Variants in ATP6V0D2 observed in about 807,000 individuals in gnomAD.
The protein encoded by ATP6V0D2 is V-type proton ATPase subunit d 2.
ATP6V0D2 carries 40 observed loss-of-function variants against 40.0 expected under a neutral mutation model. The observed-to-expected ratio is 1.00, with a 90% CI of 0.78 to 1.30. ATP6V0D2 has a LOEUF of 1.30. Among genes scored for constraint, ATP6V0D2 ranks in the 50% most tolerant of loss-of-function variants. The probability of loss-of-function intolerance (pLI) is 0.00; values close to 1 mark genes in which losing one functional copy is unlikely to be tolerated. For synonymous variants in ATP6V0D2, 179 were observed against 156.3 expected, an observed-to-expected ratio of 1.15 and a Z score of -1.08; for missense variants, 470 against 423.1, an observed-to-expected ratio of 1.11 and a Z score of -0.97.
chr8:86,108,785 A>C (rs368357679), intron 1 of ATP6V0D2, among the ~76,000 whole-genome samples: 7 of 152,190 alleles, frequency 4.6e-5, no homozygotes, highest in African/African-American at 1.7e-4. Flanking sequence ...GACAATAACC[A>C]TGAAGTCTAA....
intron 2 of ATP6V0D2, among the ~76,000 whole-genome samples, chr8:86,128,507 G>T (rs1191691229): frequency 2.0e-5 from 3 of 152,178 alleles, no homozygotes; most frequent in African/African-American, 7.2e-5. Context: ...ACTGAGTATT[G>T]AGGTACCTCC....
At chr8:86,130,021 T>C (rs1300441712) in intron 2 of ATP6V0D2, among the ~76,000 whole-genome samples, 1 of 141,564 alleles carries the variant, frequency 7.1e-6, no homozygotes, top group Non-Finnish European at 1.6e-5. Context: ...AAAAAGAAAA[T>C]AATAATCTAT....
At chr8:86,122,855 C>A (rs904011282) in intron 2 of ATP6V0D2, among the ~76,000 whole-genome samples, 9 of 152,130 alleles carry the variant, frequency 5.9e-5, no homozygotes, top group Non-Finnish European at 1.0e-4. Flanking sequence ...TCTGATATTG[C>A]TGGAACCTAG....
At chr8:86,121,095 CTGTTGACA>C (rs1325724400) in intron 2 of ATP6V0D2, among the ~76,000 whole-genome samples, 5 of 152,132 alleles carry the variant, frequency 3.3e-5, no homozygotes, top group African/African-American at 4.8e-5. Context: ...CCATGAGTTT[CTGTTGACA>C]GTTACCTATA....
intron 5 of ATP6V0D2, among the ~76,000 whole-genome samples, chr8:86,147,218 C>A (rs1028349184): frequency 6.6e-6 from 1 of 152,088 alleles, no homozygotes; most frequent in African/African-American, 2.4e-5. Context: ...CTGACATCTC[C>A]GCCCACTGCC....
At chr8:86,145,273 G>T (rs1358916583) in intron 5 of ATP6V0D2, among the ~76,000 whole-genome samples, 2 of 66,594 alleles carry the variant, frequency 3.0e-5, no homozygotes, top group African/African-American at 1.0e-4. Context: ...AAGAAAGAAA[G>T]AAAGAAAGAA....
chr8:86,122,265 C>T (rs996772829), intron 2 of ATP6V0D2, among the ~76,000 whole-genome samples: 1 of 152,128 alleles, frequency 6.6e-6, no homozygotes, highest in African/African-American at 2.4e-5. Context: ...ATGTCATCTT[C>T]GGTACTTAAA....
chr8:86,133,065 C>T (rs367840465), intron 2 of ATP6V0D2, among the ~76,000 whole-genome samples: 146 of 152,126 alleles, frequency 9.6e-4, no homozygotes, highest in African/African-American at 3.4e-3. Flanking sequence ...GAAGTATTGG[C>T]GTCTTGGAGG....
chr8:86,128,881 T>A (rs560467379), intron 2 of ATP6V0D2, among the ~76,000 whole-genome samples: 119 of 152,266 alleles, frequency 7.8e-4, no homozygotes, highest in African/African-American at 2.7e-3. Flanking sequence ...GACATGATAA[T>A]CTCCTATTAT....
chr8:86,142,274 C>T (rs1818984957), intron 4 of ATP6V0D2, among the ~76,000 whole-genome samples: 1 of 152,186 alleles, frequency 6.6e-6, no homozygotes, highest in African/African-American at 2.4e-5. Flanking sequence ...TAACAGAAGG[C>T]ACCGTTCTAA....
intron 3 of ATP6V0D2, among the ~76,000 whole-genome samples, chr8:86,140,860 A>G (rs192612767): frequency 6.6e-6 from 1 of 152,276 alleles, no homozygotes; most frequent in East Asian, 1.9e-4. Flanking sequence ...ATTACACTGT[A>G]ATATATAATG....
In ATP6V0D2 at chr8:86,150,150, C is replaced by T. The variant is rs1230091272; in HGVS notation, c.678C>T (p.Asn226=). The T allele has an allele frequency of 6.2e-7, 1 of 1,613,662 alleles. No individual in the cohort carries two copies. Among genetic ancestry groups the T allele is most frequent in the East Asian group, 2.2e-5 (1 of 44,804 alleles). ...ADRRAFIITL[N]SFGTELSKED... ...GACGTGCTTTTATCATCACTCTTAA[C>T]TCCTTTGGCACTGAATTGAGCAAAG... The change falls in exon 6 of 8, where the codon AAC becomes AAT. Residue 226 remains asparagine (N), a synonymous_variant. Coordinates refer to ENST00000285393, the MANE Select transcript of ATP6V0D2 (RefSeq NM_152565.1).
rs550747789 is a variant in ATP6V0D2, at chr8:86,127,337, G to C, written c.303-12120G>C. On this transcript the variant is annotated intron_variant, in intron 2 of 7. Coordinates refer to ENST00000285393, the MANE Select transcript of ATP6V0D2 (RefSeq NM_152565.1). ...ATTTGAAAATTCATACATTGAAAAA[G>C]TGTGAAATATATTTGGTGTACTTTT... Among the ~76,000 whole-genome samples, 3 of 152,220 alleles carry C rather than the reference G, an allele frequency of 2.0e-5. No homozygotes were observed. In the South Asian group the frequency reaches 6.2e-4, roughly 32 times the overall value.
intron 5 of ATP6V0D2, among the ~76,000 whole-genome samples, chr8:86,146,821 T>C (rs1432095521): frequency 6.6e-6 from 1 of 152,196 alleles, no homozygotes; most frequent in East Asian, 1.9e-4. Context: ...ATAAATACTT[T>C]CGATCATGTA....
chr8:86,151,910 AAT>A, intron 7 of ATP6V0D2, among the ~76,000 whole-genome samples: 1 of 151,936 alleles, frequency 6.6e-6, no homozygotes, highest in East Asian at 1.9e-4. Flanking sequence ...CATATGAGAT[AAT>A]GTTTCTTTTT....
rs138593416 is a variant in ATP6V0D2, at chr8:86,115,795, C to G, written c.302+1915C>G. Among the ~76,000 whole-genome samples, 106 of 152,278 alleles carry G rather than the reference C, an allele frequency of 7.0e-4. No individual in the cohort carries two copies. The East Asian group carries it at 0.016, about 23-fold the overall frequency. On this transcript the variant is annotated intron_variant, in intron 2 of 7. Transcript: ENST00000285393. ...CTGAACAAAGTTAAGTGGACCTTAA[C>G]TTCTACACATGCCTTTAATTTCAGG...
At chr8:86,138,189 C>T (rs1422391480) in intron 2 of ATP6V0D2, among the ~76,000 whole-genome samples, 1 of 152,178 alleles carries the variant, frequency 6.6e-6, no homozygotes, top group Non-Finnish European at 1.5e-5. Flanking sequence ...GTTCTCCCTT[C>T]TGCCTTGAAA....
At chr8:86,113,935 C>A (rs1432265082) in intron 2 of ATP6V0D2, 55 bp downstream of exon 2, 2 of 1,491,400 alleles carry the variant, frequency 1.3e-6, no homozygotes, top group African/African-American at 1.4e-5. Flanking sequence ...CGGATGACCC[C>A]TAACAATTAC....
intron 2 of ATP6V0D2, among the ~76,000 whole-genome samples, chr8:86,126,334 GT>G (rs1233312037): frequency 1.2e-4 from 18 of 148,384 alleles, no homozygotes; most frequent in African/African-American, 4.2e-4. Context: ...AAGTAAACGT[GT>G]GCCTTGGTGG....
Sources: allele counts gnomAD v4.1 joint callset (sites outside exome capture counted in the v4.1 genomes callset), GRCh38; gene constraint gnomAD v4.1.1; transcripts MANE v1.5; gene names NCBI Gene and HGNC (gene_info 2026-07-23, HGNC 2026-07-21).